Variants in CLCN6 observed in about 807,000 individuals in gnomAD.
The protein encoded by CLCN6 is H(+)/Cl(-) exchange transporter 6.
In CLCN6, 70 loss-of-function variants were observed where a neutral mutation model predicts 109.8. The observed-to-expected ratio is 0.64, with a 90% CI of 0.53 to 0.78. The LOEUF (loss-of-function observed/expected upper bound fraction) is 0.78. Among genes scored for constraint, CLCN6 ranks in the 30% least tolerant of loss-of-function variants. The pLI, the probability that CLCN6 is intolerant of heterozygous loss-of-function variation, is 0.00. For synonymous variants in CLCN6, 444 were observed against 447.8 expected (o/e 0.99, Z 0.11); for missense variants, 984 against 1,142.3 (o/e 0.86, Z 2.00).
Position 11,836,091 on chromosome 1 carries a change from C to T in CLCN6, c.1918C>T (p.Arg640Cys), listed in dbSNP as rs770239210. The T allele has an allele frequency of 1.8e-5, 29 of 1,613,734 alleles. No individual in the cohort carries two copies. The highest frequency in any genetic ancestry group is 4.5e-5 in the East Asian group (2 of 44,878). ...TGCCTTCCCGGTGGTCACAGAGAAC[C>T]GCGGTAACGAGAAGGAGTTCATGAA... ...HHAFPVVTENRGNEKEFMKGN... is the reference protein window; with the variant it reads ...HHAFPVVTENCGNEKEFMKGN... Residue 640 changes from arginine (R) to cysteine (C), a missense_variant, in exon 18 of 23, where the codon CGC becomes TGC. Physicochemically the swap from Arg to Cys is radical, Grantham distance 180 (BLOSUM62 -3). Transcript: ENST00000346436.
In CLCN6 at chr1:11,836,291, G is replaced by A. The variant is rs140873327; in HGVS notation, c.1980+138G>A. Reference sequence around the variant, plus strand: ...AGTTGGCACTGTTCTCATCACATGCGACAGGGAGAGTAGATTTGACAGCAG... The same window carrying A: ...AGTTGGCACTGTTCTCATCACATGCAACAGGGAGAGTAGATTTGACAGCAG... On this transcript the variant is annotated intron_variant, in intron 18 of 22. Coordinates refer to ENST00000346436, the MANE Select transcript of CLCN6 (RefSeq NM_001286.5). 507 of 716,284 alleles carry A rather than the reference G, an allele frequency of 7.1e-4. 3 individuals are homozygous for A. The East Asian group carries it at 0.012, about 17-fold the overall frequency. 44.4% of individuals were successfully genotyped at this position (716,284 alleles called of 1,614,324 possible). A position where few individuals can be genotyped will look rare whatever the true frequency, so the allele number is the denominator to read the frequency against.
rs763015841 is a variant in CLCN6, at chr1:11,838,434, A to G, written c.2395A>G (p.Met799Val). Residue 799 changes from methionine (M) to valine (V), a missense_variant, in exon 21 of 23, where the codon ATG becomes GTG. Transcript: ENST00000346436. ...GGACCTGACGCTGCTCAACCCGCGC[A>G]TGATCGTGGTGAGAAGGGCTGCCCC... ...DLDLTLLNPR[M>V]IVDVTPYMNP... is the part of the protein sequence containing the mutation. 3.2e-5 allele frequency: 51 copies of G among 1,614,018 alleles called. No individual in the cohort carries two copies. Among genetic ancestry groups the G allele is most frequent in the East Asian group, 4.5e-5 (2 of 44,888 alleles).
At chr1:11,806,707 C>T in intron 1 of CLCN6, 1 of 353,996 alleles carries the variant, frequency 2.8e-6, no homozygotes, top group Non-Finnish European at 5.1e-6. Flanking sequence ...CCAGTCCTTT[C>T]TCACTCTATC....
At chr1:11,816,726 G>C in intron 4 of CLCN6, 46 bp downstream of exon 4, 1 of 1,475,040 alleles carries the variant, frequency 6.8e-7, no homozygotes, top group Non-Finnish European at 9.4e-7. Context: ...AGGGCTGGAG[G>C]GGCTTACAGG....
rs1438524266 is a variant in CLCN6, at chr1:11,838,901, A to C, written c.2529+241A>C. The C allele has an allele frequency of 4.2e-6, 3 of 721,560 alleles. No homozygotes were observed. The South Asian group carries it at 4.4e-5, about 11-fold the overall frequency. 44.7% of individuals were successfully genotyped at this position (721,560 alleles called of 1,614,324 possible). The stretch of plus-strand genomic sequence containing the variant: ...TTCCAGCCAGAGCCGCGCCTCTACC[A>C]GGCTGTGTCTTCCTCCTGAAATGTT... On this transcript the variant is annotated intron_variant, in intron 22 of 22. Transcript: ENST00000346436.
chr1:11,810,114 T>C (rs1320538154), intron 2 of CLCN6, among the ~76,000 whole-genome samples: 1 of 152,224 alleles, frequency 6.6e-6, no homozygotes, highest in Non-Finnish European at 1.5e-5. Flanking sequence ...TAGGGTTTTC[T>C]CTACCTTGAT....
In CLCN6 at chr1:11,824,529, G is replaced by A. The variant is rs60602304; in HGVS notation, c.624G>A (p.Ser208=). The A allele has an allele frequency of 5.2e-3, 8,467 of 1,613,472 alleles. 335 individuals are homozygous for A. The African/African-American group carries it at 0.093, about 18-fold the overall frequency. ...EKEGPMIHSG[S]VVGAGLPQFQ... is the part of the protein sequence containing the mutation. ...AAGGCCCCATGATCCACAGTGGTTCGGTGGTGGGAGCTGGCCTCCCTCAGG... is the reference window on the plus strand; with the variant it reads ...AAGGCCCCATGATCCACAGTGGTTCAGTGGTGGGAGCTGGCCTCCCTCAGG... Residue 208 remains serine, a synonymous_variant, in exon 8 of 23, where the codon TCG becomes TCA. Transcript: ENST00000346436.
In CLCN6 at chr1:11,833,972, G is replaced by T. The variant is rs771010245; in HGVS notation, c.1468G>T (p.Val490Leu). ...YGISVPSGLF[V>L]PSLLCGAAFG... ...CATTTCTGTTCCAAGTGGCCTTTTT[G>T]TGCCTTCTCTGCTGTGTGGAGCTGC... is the stretch of plus-strand genomic sequence containing the variant. The change falls in exon 15 of 23, where the codon GTG becomes TTG. Residue 490 changes from valine (V) to leucine (L), a missense_variant. Transcript: ENST00000346436. The T allele has an allele frequency of 3.1e-6, 5 of 1,613,496 alleles. No individual in the cohort carries two copies. Among genetic ancestry groups the T allele is most frequent in the Non-Finnish European group, 4.2e-6 (5 of 1,179,892 alleles).
chr1:11,826,815 G>T (rs550576384), intron 9 of CLCN6, among the ~76,000 whole-genome samples: 32 of 152,302 alleles, frequency 2.1e-4, no homozygotes, highest in African/African-American at 6.7e-4. Flanking sequence ...TGAGCTGGGG[G>T]CTGAGATTCT....
chr1:11,829,380 T>C, intron 13 of CLCN6, 58 bp downstream of exon 13: 1 of 1,600,876 alleles, frequency 6.2e-7, no homozygotes, highest in Non-Finnish European at 8.6e-7. Flanking sequence ...TCCAGAAATG[T>C]ATGACCTTCC....
intron 2 of CLCN6, among the ~76,000 whole-genome samples, chr1:11,813,806 G>T (rs1282132299): frequency 1.3e-5 from 2 of 152,118 alleles, no homozygotes; most frequent in African/African-American, 4.8e-5. Flanking sequence ...CATTATGAAT[G>T]CTGACGTACA....
chr1:11,815,748 G>C, intron 2 of CLCN6, 98 bp from the exon 3 acceptor site: 1 of 878,344 alleles, frequency 1.1e-6, no homozygotes, highest in South Asian at 1.5e-5. Context: ...CCACTGCTCT[G>C]CCCATCCACA....
rs200061168 is a variant in CLCN6, at chr1:11,837,447, C to T, written c.2243C>T (p.Ser748Leu). The T allele has an allele frequency of 8.7e-6, 14 of 1,614,104 alleles. No individual in the cohort carries two copies. Among genetic ancestry groups the T allele is most frequent in the Admixed American group, 5.0e-5 (3 of 60,014 alleles). The change falls in exon 20 of 23, where the codon TCG (serine) becomes TTG (leucine). Residue 748 changes from serine (S) to leucine (L), a missense_variant. Physicochemically the swap from Ser to Leu is moderately radical, Grantham distance 145. Coordinates refer to ENST00000346436, the MANE Select transcript of CLCN6 (RefSeq NM_001286.5). Reference protein sequence around the residue: ...PLTFHGLILRSQLVTLLVRGV... With the variant: ...PLTFHGLILRLQLVTLLVRGV... ...ACCTTCCACGGCCTGATCCTTCGGT[C>T]GCAGCTTGTCACCCTGCTTGTCCGA...
chr1:11,838,971 G>A (rs986670623), intron 22 of CLCN6: 15 of 699,778 alleles, frequency 2.1e-5, no homozygotes, highest in African/African-American at 1.2e-4. Context: ...CTCCACCTGC[G>A]TAGGGATTTG....
In CLCN6 at chr1:11,829,227, A is replaced by AC. The variant is rs1644850833; in HGVS notation, c.1155dup (p.Thr386HisfsTer25). 1.2e-6 allele frequency: 2 copies of AC among 1,614,026 alleles called. No individual in the cohort carries two copies. Among genetic ancestry groups the AC allele is most frequent in the East Asian group, 4.5e-5 (2 of 44,866 alleles). On this transcript the variant is annotated frameshift_variant, in exon 13 of 23. Coordinates refer to ENST00000346436, the MANE Select transcript of CLCN6 (RefSeq NM_001286.5). LOFTEE classifies it high-confidence loss of function. ...AGAGAGCCTCCTTGTGTCTCTGGTA[A>AC]CCACCGTGGTGGTGTTTGTGGCCTC... is the stretch of plus-strand genomic sequence containing the variant.
At chr1:11,807,631 C>T (rs962980608) in intron 2 of CLCN6, among the ~76,000 whole-genome samples, 1 of 152,202 alleles carries the variant, frequency 6.6e-6, no homozygotes, top group Admixed American at 6.5e-5. Flanking sequence ...TGATTAAGTT[C>T]CACCTTTCAT....
intron 2 of CLCN6, 106 bp from the exon 3 acceptor site, chr1:11,815,740 A>T: frequency 1.2e-6 from 1 of 819,468 alleles, no homozygotes; most frequent in South Asian, 1.6e-5. Context: ...TGCAGGTACC[A>T]CTGCTCTGCC....
chr1:11,828,388 C>T, intron 11 of CLCN6, 70 bp from the exon 12 acceptor site: 1 of 1,587,960 alleles, frequency 6.3e-7, no homozygotes, highest in East Asian at 2.2e-5. Context: ...CTTCTGTCTT[C>T]TCTTCTGTCT....
At position 11,833,529 on chromosome 1, in the gene CLCN6, G is replaced by A. The variant is rs770289021; in HGVS notation, c.1263G>A (p.Val421=). ...DSFQLQVTED[V]NSSIKTFFCP... ...CTTCTTCTCAGGTCACAGAAGATGT[G>A]AATTCAAGTATCAAGACATTTTTTT... The change falls in exon 14 of 23, where the codon GTG becomes GTA. Residue 421 remains valine (V), a synonymous_variant. Transcript: ENST00000346436. 16 of 1,613,810 alleles carry A rather than the reference G, an allele frequency of 9.9e-6. No individual in the cohort carries two copies. The highest frequency in any genetic ancestry group is 2.7e-5 in the African/African-American group (2 of 74,906).
Sources: allele counts gnomAD v4.1 joint callset (sites outside exome capture counted in the v4.1 genomes callset), GRCh38; gene constraint gnomAD v4.1.1; transcripts MANE v1.5; gene names NCBI Gene and HGNC (gene_info 2026-07-23, HGNC 2026-07-21).